The following FNTB variants were observed in gnomAD, a reference collection of about 807,000 sequenced individuals.
FNTB encodes the protein farnesyltransferase, CAAX box, subunit beta, also known as protein farnesyltransferase subunit beta.
A neutral mutation model predicts 59.4 loss-of-function variants in FNTB; 27 were observed. The ratio of observed to expected loss-of-function variants is 0.45; its 90% CI spans 0.34 to 0.63. The LOEUF (loss-of-function observed/expected upper bound fraction) is 0.63, where lower values mean the gene tolerates loss of function less well. FNTB is among the 20% of genes least tolerant of loss of function. The pLI, the probability that FNTB is intolerant of heterozygous loss-of-function variation, is 0.02. For missense variants in FNTB, 449 were observed against 559.6 expected (o/e 0.80, Z 1.99); for synonymous variants, 230 against 220.7 (o/e 1.04, Z -0.37).
chr14:65,005,507 T>TTCTC (rs1491536620), intron 2 of FNTB, among the ~76,000 whole-genome samples: 1 of 86,154 alleles, frequency 1.2e-5, no homozygotes, highest in African/African-American at 5.9e-5. Context: ...CTTTCTTTCT[T>TTCTC]TCTTTCTCTC....
rs2062109477 is a variant in FNTB, at chr14:65,032,681, C to T, written c.677C>T (p.Ala226Val). ...IITPDLFEGT[A>V]EWIARCQNWE... The stretch of plus-strand genomic sequence containing the variant: ...ACTCCAGACCTCTTTGAGGGCACTG[C>T]TGAATGGATAGCAAGGTGAGAGAAG... Residue 226 changes from alanine to valine, a missense_variant, in exon 7 of 12, where the codon GCT (alanine) becomes GTT (valine). Ala to Val is a moderately conservative substitution (Grantham distance 64, BLOSUM62 0). This residue lies in a region of FNTB where 337 missense variants were observed against 479.1 expected (regional missense o/e 0.70). Transcript: ENST00000246166. This position sits in a 1 kb window ranked among gnomAD's most constrained non-coding sequence, Gnocchi z 5.0. 1 of 1,613,698 alleles carries T rather than the reference C, an allele frequency of 6.2e-7. No homozygotes were observed. The highest frequency in any genetic ancestry group is 1.1e-5 in the South Asian group (1 of 91,054).
At chr14:65,017,087 T>C (rs1382474202) in intron 4 of FNTB, among the ~76,000 whole-genome samples, 1 of 151,992 alleles carries the variant, frequency 6.6e-6, no homozygotes, top group Non-Finnish European at 1.5e-5. Flanking sequence ...CGTGCCTGGC[T>C]AATTTTTGTA....
In FNTB at chr14:65,044,440, C is replaced by G; in HGVS notation, c.952C>G (p.Gln318Glu). ...CCTGCTCCACCGCGCACTGCACGCC[C>G]AAGGTGAGCCTGGGGAGCTGTTCAC... ...LPLLHRALHA[Q>E]GDPALSMSHW... is the part of the protein sequence containing the mutation. Residue 318 changes from glutamine (Q) to glutamate (E), a missense_variant, in exon 9 of 12, where the codon CAA (glutamine) becomes GAA (glutamate). Around this residue, in one of 2 missense-constraint regions of FNTB, gnomAD observed 337 missense variants for 479.1 expected, o/e 0.70. Transcript: ENST00000246166. The surrounding 1 kb of genome is among the most constrained non-coding windows in gnomAD (Gnocchi z 5.5). 2 of 1,606,462 alleles carry G rather than the reference C, an allele frequency of 1.2e-6. No homozygotes were observed. Among genetic ancestry groups the G allele is most frequent in the Non-Finnish European group, 1.7e-6 (2 of 1,177,292 alleles).
In FNTB at chr14:64,992,927, C is replaced by G. The variant is rs1888257176; in HGVS notation, c.144+5830C>G. 2.0e-5 allele frequency among the ~76,000 whole-genome samples: 3 copies of G among 152,292 alleles called. No individual in the cohort carries two copies. In the South Asian group the frequency reaches 6.2e-4, roughly 32 times the overall value. On this transcript the variant is annotated intron_variant, in intron 1 of 11. Coordinates refer to ENST00000246166, the MANE Select transcript of FNTB (RefSeq NM_002028.4). ...GATCATGGCTCACTGTAGCAACTTT[C>G]CAGGCTCAAGTGATCCTTCCACCTC...
At position 64,991,178 on chromosome 14, in the gene FNTB, G is replaced by A. The variant is rs569664862; in HGVS notation, c.144+4081G>A. ...GCAAACGCGTCCTCCACTTTAAATG[G>A]CATGGTGTCATTGAACCATTGGCAT... On this transcript the variant is annotated intron_variant, in intron 1 of 11. Transcript: ENST00000246166. The surrounding 1 kb of genome is among the most constrained non-coding windows in gnomAD (Gnocchi z 4.4). Among the ~76,000 whole-genome samples the A allele has an allele frequency of 5.1e-4, 77 of 151,690 alleles. No individual in the cohort carries two copies. The highest frequency in any genetic ancestry group is 1.8e-3 in the African/African-American group (73 of 40,990).
intron 4 of FNTB, among the ~76,000 whole-genome samples, chr14:65,020,758 G>C (rs1424146418): frequency 8.3e-6 from 1 of 120,056 alleles, no homozygotes; most frequent in Non-Finnish European, 1.7e-5. Flanking sequence ...TTGAGACGGA[G>C]TTTTGCTCTT....
Position 65,061,504 on chromosome 14 carries a change from T to C in FNTB, c.*192T>C. On this transcript the variant is annotated 3_prime_UTR_variant, in exon 12 of 12. Coordinates refer to ENST00000246166, the MANE Select transcript of FNTB (RefSeq NM_002028.4). The stretch of plus-strand genomic sequence containing the variant: ...GAACACAGTGGCTGGTTTTAAAAAT[T>C]CTTTCCACACCTGTCAAACCAAAAA... 3.8e-6 allele frequency: 4 copies of C among 1,050,628 alleles called. No homozygotes were observed. Among genetic ancestry groups the C allele is most frequent in the Non-Finnish European group, 5.2e-6 (4 of 762,842 alleles). 65.1% of individuals were successfully genotyped at this position (1,050,628 alleles called of 1,614,324 possible).
At chr14:65,003,622 A>G (rs1416111527) in intron 1 of FNTB, 1 of 152,260 alleles carries the variant, frequency 6.6e-6, no homozygotes, top group African/African-American at 2.4e-5. Flanking sequence ...TCAACTAAAA[A>G]CAGAGAAGAT....
At chr14:65,057,629 T>C (rs1195080690) in intron 11 of FNTB, among the ~76,000 whole-genome samples, 1 of 152,206 alleles carries the variant, frequency 6.6e-6, no homozygotes. Flanking sequence ...ATGAAGGGAA[T>C]GAACAAGGCA....
In FNTB at chr14:65,061,994, G is replaced by GACTT. The variant is rs1051951739; in HGVS notation, c.*684_*687dup. On this transcript the variant is annotated 3_prime_UTR_variant, in exon 12 of 12. Coordinates refer to ENST00000246166, the MANE Select transcript of FNTB (RefSeq NM_002028.4). ...GACTTGCTTCAGCCCCAGGTGTGGT[G>GACTT]ACTTAGACCTAGGAAACCAATTATG... is the stretch of plus-strand genomic sequence containing the variant. 2.0e-5 allele frequency: 3 copies of GACTT among 152,544 alleles called. No individual in the cohort carries two copies. The highest frequency in any genetic ancestry group is 4.8e-5 in the African/African-American group (2 of 41,450). 9.4% of individuals were successfully genotyped at this position (152,544 alleles called of 1,614,324 possible).
At chr14:64,996,931 T>C (rs537876720) in intron 1 of FNTB, among the ~76,000 whole-genome samples, 1 of 152,290 alleles carries the variant, frequency 6.6e-6, no homozygotes, top group South Asian at 2.1e-4. Flanking sequence ...CACTTCACTT[T>C]TAATCCTTTT....
intron 2 of FNTB, among the ~76,000 whole-genome samples, chr14:65,006,954 G>A (rs1327367453): frequency 1.3e-5 from 2 of 152,112 alleles, no homozygotes; most frequent in South Asian, 2.1e-4. Flanking sequence ...GAAAAAAAAA[G>A]TGTTCCTCCT....
chr14:64,991,250 G>T lies in FNTB; in HGVS notation c.144+4153G>T, dbSNP rs1472035597. On this transcript the variant is annotated intron_variant, in intron 1 of 11. Transcript: ENST00000246166. The surrounding 1 kb of genome is among the most constrained non-coding windows in gnomAD (Gnocchi z 4.4). ...CTTGAACTCTGAGGGGAATATAAGA[G>T]AATTATTAGTCTTGATCCCTGCCCT... is the stretch of plus-strand genomic sequence containing the variant. 2.0e-5 allele frequency among the ~76,000 whole-genome samples: 3 copies of T among 152,138 alleles called. No homozygotes were observed. Among genetic ancestry groups the T allele is most frequent in the Non-Finnish European group, 4.4e-5 (3 of 68,036 alleles).
intron 8 of FNTB, among the ~76,000 whole-genome samples, chr14:65,042,032 C>T (rs2062364170): frequency 6.6e-6 from 1 of 151,982 alleles, no homozygotes; most frequent in Non-Finnish European, 1.5e-5. Flanking sequence ...GGATAACAAT[C>T]CTTATTTTTT....
chr14:64,998,188 G>A (rs1328141552), intron 1 of FNTB, among the ~76,000 whole-genome samples: 3 of 152,150 alleles, frequency 2.0e-5, no homozygotes, highest in African/African-American at 7.2e-5. Flanking sequence ...AAAACTTTGC[G>A]CATCAACCTC....
At chr14:64,995,872 T>A (rs1407878647) in intron 1 of FNTB, among the ~76,000 whole-genome samples, 1 of 151,422 alleles carries the variant, frequency 6.6e-6, no homozygotes, top group Non-Finnish European at 1.5e-5. Flanking sequence ...GGCTCATATC[T>A]GTAATCTCTG....
chr14:65,044,925 C>T lies in FNTB; in HGVS notation c.955+482C>T, dbSNP rs2062441925. On this transcript the variant is annotated intron_variant, in intron 9 of 11. Transcript: ENST00000246166. The surrounding 1 kb of genome is among the most constrained non-coding windows in gnomAD (Gnocchi z 5.5). ...TTGTAGGGGTGGGTTGCCCCTACAC[C>T]ATGGAGAAGAGACTCGCCGTGTCTG... 6.6e-6 allele frequency among the ~76,000 whole-genome samples: 1 copy of T among 152,084 alleles called. No homozygotes were observed. Among genetic ancestry groups the T allele is most frequent in the Non-Finnish European group, 1.5e-5 (1 of 68,016 alleles).
At chr14:64,988,130 T>C (rs1888025903) in intron 1 of FNTB, among the ~76,000 whole-genome samples, 1 of 152,212 alleles carries the variant, frequency 6.6e-6, no homozygotes, top group Admixed American at 6.5e-5. Context: ...AATAGAATTA[T>C]AAATTTATAA....
At chr14:65,019,915 C>T (rs565360508) in intron 4 of FNTB, among the ~76,000 whole-genome samples, 1 of 152,134 alleles carries the variant, frequency 6.6e-6, no homozygotes, top group Admixed American at 6.5e-5. Context: ...AGAATATTGC[C>T]TTTTTATTTA....
Sources: allele counts gnomAD v4.1 joint callset (sites outside exome capture counted in the v4.1 genomes callset), GRCh38; gene constraint gnomAD v4.1.1; regional missense constraint gnomAD v4.1.1; non-coding constraint Gnocchi (gnomAD v3.1); transcripts MANE v1.5; gene names NCBI Gene and HGNC (gene_info 2026-07-23, HGNC 2026-07-21).